Variants in TMEM131 observed in about 807,000 individuals in gnomAD.
TMEM131 encodes transmembrane protein 131.
A neutral mutation model predicts 211.6 loss-of-function variants in TMEM131; 66 were observed. That is an observed-to-expected ratio of 0.31 (90% CI 0.26 to 0.38). The LOEUF (loss-of-function observed/expected upper bound fraction) is 0.38, where lower values mean the gene tolerates loss of function less well. Ranked by LOEUF, TMEM131 falls within the 10% of genes least tolerant of loss-of-function variation. The pLI is 1.00. For missense variants in TMEM131, 2,036 were observed against 2,299.3 expected (o/e 0.89, Z 2.34); for synonymous variants, 844 against 841.3 (o/e 1.00, Z -0.06).
intron 17 of TMEM131, 37 bp from the exon 18 acceptor site, chr2:97,811,269 G>C: frequency 6.7e-7 from 1 of 1,490,700 alleles, no homozygotes; most frequent in East Asian, 2.3e-5. Flanking sequence ...CATTAGCCTT[G>C]TTAGTTGAAG....
chr2:97,930,406 T>C (rs969121471), intron 1 of TMEM131, among the ~76,000 whole-genome samples: 3 of 151,752 alleles, frequency 2.0e-5, no homozygotes, highest in African/African-American at 7.3e-5. Context: ...TAAAAATATA[T>C]AAAAATTCTA....
intron 11 of TMEM131, among the ~76,000 whole-genome samples, chr2:97,829,936 T>G (rs1337053881): frequency 6.6e-6 from 1 of 152,104 alleles, no homozygotes; most frequent in African/African-American, 2.4e-5. Context: ...TAAAATATAG[T>G]CACTATTAGT....
At chr2:97,914,366 C>A (rs1212772102) in intron 2 of TMEM131, among the ~76,000 whole-genome samples, 1 of 152,206 alleles carries the variant, frequency 6.6e-6, no homozygotes, top group African/African-American at 2.4e-5. Context: ...GATCCACCTG[C>A]CTTGTTCAGA....
intron 35 of TMEM131, 163 bp from the exon 36 acceptor site, chr2:97,762,363 A>T (rs1678898550): frequency 1.5e-6 from 1 of 662,610 alleles, no homozygotes; most frequent in African/African-American, 1.9e-5. Context: ...TTAAAGAGAA[A>T]GCAGCCACAT....
chr2:97,899,390 C>T (rs934733936), intron 3 of TMEM131, among the ~76,000 whole-genome samples: 1 of 151,938 alleles, frequency 6.6e-6, no homozygotes, highest in East Asian at 1.9e-4. Flanking sequence ...TTAACTGAAT[C>T]AGAAAAAATT....
chr2:97,900,839 A>T (rs925030430), intron 3 of TMEM131, among the ~76,000 whole-genome samples: 2 of 152,140 alleles, frequency 1.3e-5, no homozygotes, highest in Non-Finnish European at 2.9e-5. Flanking sequence ...ACCAACAGTG[A>T]ACCAGGGTTC....
intron 35 of TMEM131, chr2:97,762,809 G>A (rs529269529): frequency 6.6e-6 from 1 of 152,642 alleles, no homozygotes; most frequent in East Asian, 1.9e-4. Flanking sequence ...TGAGGCTGCA[G>A]TGAGCTATAA....
intron 11 of TMEM131, among the ~76,000 whole-genome samples, chr2:97,828,490 G>A (rs929641368): frequency 2.6e-5 from 4 of 152,196 alleles, no homozygotes; most frequent in Non-Finnish European, 5.9e-5. Flanking sequence ...GATGGCCACT[G>A]CTACAGGAAC....
chr2:97,762,128 G>A lies in TMEM131; in HGVS notation c.4796C>T (p.Ser1599Leu). 1 of 1,613,640 alleles carries A rather than the reference G, an allele frequency of 6.2e-7. No homozygotes were observed. The change falls in exon 36 of 41, where the codon TCA (serine) becomes TTA (leucine). Residue 1599 changes from serine to leucine, a missense_variant. Transcript: ENST00000186436. ...ADIFLKQRQT[S>L]PTPASPSPPA... is the part of the protein sequence containing the mutation. Reference sequence around the variant, plus strand: ...GGGAGACGGGGAAGCAGGTGTCGGTGAGGTCTGGCGTTGTTTTAAGAAAAT... The same window carrying A: ...GGGAGACGGGGAAGCAGGTGTCGGTAAGGTCTGGCGTTGTTTTAAGAAAAT...
At chr2:97,928,412 G>C (rs533537612) in intron 1 of TMEM131, among the ~76,000 whole-genome samples, 1 of 149,878 alleles carries the variant, frequency 6.7e-6, no homozygotes, top group African/African-American at 2.5e-5. Flanking sequence ...GTGGATACAG[G>C]ACATGATGCA....
At chr2:97,859,959 T>C (rs1226196055) in intron 4 of TMEM131, among the ~76,000 whole-genome samples, 1 of 152,224 alleles carries the variant, frequency 6.6e-6, no homozygotes, top group Non-Finnish European at 1.5e-5. Context: ...CTAAGTCTTC[T>C]GGGTCTAGTC....
chr2:97,892,588 C>T (rs930999243), intron 3 of TMEM131, among the ~76,000 whole-genome samples: 17 of 152,156 alleles, frequency 1.1e-4, no homozygotes, highest in Admixed American at 1.3e-4. Context: ...GTTTCAAACT[C>T]CTAGTCTCAA....
intron 31 of TMEM131, among the ~76,000 whole-genome samples, chr2:97,784,106 C>T (rs1478408836): frequency 2.0e-5 from 3 of 151,844 alleles, no homozygotes; most frequent in South Asian, 4.2e-4. Context: ...AAAGCAGAAA[C>T]ATCTAAAAGA....
At chr2:97,849,717 C>CTTTTT (rs11320615) in intron 5 of TMEM131, among the ~76,000 whole-genome samples, 5 of 103,814 alleles carry the variant, frequency 4.8e-5, no homozygotes, top group South Asian at 3.0e-4. Context: ...CTCTCTCTCT[C>CTTTTT]TTTTTTTTTT....
chr2:97,817,652 C>G (rs1681894447), intron 12 of TMEM131, among the ~76,000 whole-genome samples: 1 of 152,176 alleles, frequency 6.6e-6, no homozygotes, highest in South Asian at 2.1e-4. Context: ...CCTCACTGAG[C>G]TCACAGGATG....
intron 1 of TMEM131, among the ~76,000 whole-genome samples, chr2:97,964,006 G>A (rs1678933083): frequency 6.6e-6 from 1 of 152,146 alleles, no homozygotes; most frequent in Non-Finnish European, 1.5e-5. Context: ...CATAAAAGTG[G>A]CACAGGTATA....
intron 4 of TMEM131, among the ~76,000 whole-genome samples, chr2:97,879,237 G>C (rs147220699): frequency 6.6e-6 from 1 of 152,058 alleles, no homozygotes; most frequent in African/African-American, 2.4e-5. Flanking sequence ...AAAGGATACC[G>C]GCAGTGAGAG....
intron 2 of TMEM131, among the ~76,000 whole-genome samples, chr2:97,916,286 A>C (rs74957192): frequency 1.7e-4 from 26 of 152,336 alleles, no homozygotes; most frequent in Non-Finnish European, 3.1e-4. Flanking sequence ...AGAGGGCAGG[A>C]AATAGTAGTA....
At chr2:97,885,566 C>T (rs150083383) in intron 4 of TMEM131, among the ~76,000 whole-genome samples, 12 of 151,974 alleles carry the variant, frequency 7.9e-5, no homozygotes, top group African/African-American at 2.9e-4. Flanking sequence ...CTCACAGGTC[C>T]CCCACCCCCA....
Sources: allele counts gnomAD v4.1 joint callset (sites outside exome capture counted in the v4.1 genomes callset), GRCh38; gene constraint gnomAD v4.1.1; transcripts MANE v1.5; gene names NCBI Gene and HGNC (gene_info 2026-07-23, HGNC 2026-07-21).